Variants in RNF34 observed in about 807,000 individuals in gnomAD.
The protein encoded by RNF34 is ring finger protein 34.
In RNF34, 12 loss-of-function variants were observed where a neutral mutation model predicts 37.9. The observed-to-expected ratio is 0.32, with a 90% confidence interval of 0.20 to 0.51. The LOEUF is 0.51. RNF34 is among the 20% of genes least tolerant of loss of function. The pLI is 0.97. For missense variants in RNF34, 362 were observed against 472.7 expected (o/e 0.77, Z 2.17); for synonymous variants, 155 against 177.2 (o/e 0.87, Z 1.00).
At chr12:121,419,137 G>C (rs1871856305) in intron 3 of RNF34, among the ~76,000 whole-genome samples, 1 of 152,182 alleles carries the variant, frequency 6.6e-6, no homozygotes, top group South Asian at 2.1e-4. Flanking sequence ...GGTTCTGTAA[G>C]ATTATAATAC....
chr12:121,419,037 C>T (rs148644546), intron 3 of RNF34, among the ~76,000 whole-genome samples: 5 of 152,244 alleles, frequency 3.3e-5, no homozygotes, highest in Admixed American at 6.5e-5. Flanking sequence ...TGAATAAATG[C>T]AGAGGGAAAT....
At chr12:121,405,885 C>G (rs1870483316) in intron 1 of RNF34, among the ~76,000 whole-genome samples, 1 of 151,654 alleles carries the variant, frequency 6.6e-6, no homozygotes, top group South Asian at 2.1e-4. Flanking sequence ...GCTCTGCCTC[C>G]CAGGTTCACG....
At chr12:121,418,147 C>G in intron 3 of RNF34, 1 of 524,218 alleles carries the variant, frequency 1.9e-6, no homozygotes, top group Non-Finnish European at 3.4e-6. Context: ...TCATCAGTCT[C>G]TTGGCCTTAG....
At chr12:121,410,129 G>A (rs1555281207) in intron 1 of RNF34, among the ~76,000 whole-genome samples, 1 of 151,616 alleles carries the variant, frequency 6.6e-6, no homozygotes, top group African/African-American at 2.4e-5. Context: ...ACTCCAACCT[G>A]GGCAACAAGA....
intron 2 of RNF34, 28 bp downstream of exon 2, chr12:121,416,405 A>C: frequency 7.1e-7 from 1 of 1,410,334 alleles, no homozygotes; most frequent in Non-Finnish European, 1.0e-6. Flanking sequence ...TTACATAACA[A>C]CACACATGGG....
chr12:121,411,235 A>C (rs1387850559), intron 1 of RNF34, among the ~76,000 whole-genome samples: 1 of 151,864 alleles, frequency 6.6e-6, no homozygotes, highest in East Asian at 1.9e-4. Context: ...GCCTGTTTTT[A>C]ATTTTTTATT....
intron 1 of RNF34, among the ~76,000 whole-genome samples, chr12:121,404,627 G>A (rs1555280455): frequency 6.6e-6 from 1 of 151,930 alleles, no homozygotes; most frequent in Non-Finnish European, 1.5e-5. Context: ...CTGACCTCAA[G>A]TGATTCTGGC....
intron 1 of RNF34, among the ~76,000 whole-genome samples, chr12:121,412,542 C>A (rs1555281481): frequency 2.6e-5 from 4 of 151,592 alleles, no homozygotes; most frequent in Non-Finnish European, 2.9e-5. Flanking sequence ...CACGCCTGGC[C>A]TAATTTTTGT....
intron 1 of RNF34, among the ~76,000 whole-genome samples, chr12:121,415,840 CTTTT>C (rs782608817): frequency 1.9e-5 from 2 of 108,096 alleles, no homozygotes; most frequent in Admixed American, 1.0e-4. Context: ...TTTGTCCAGT[CTTTT>C]TTTTTTTTTT....
In RNF34 at chr12:121,404,215, C is replaced by T. The variant is rs368457083; in HGVS notation, c.6+3997C>T. Among the ~76,000 whole-genome samples the T allele has an allele frequency of 4.8e-4, 73 of 151,000 alleles. 1 individual carries two copies. The South Asian group carries it at 0.013, about 27-fold the overall frequency. Reference sequence around the variant, plus strand: ...AGAGACGGAGTTTCACAATGTTGCCCAGGCTGGTCCCAAACTCCTGAGCTC... The same window carrying T: ...AGAGACGGAGTTTCACAATGTTGCCTAGGCTGGTCCCAAACTCCTGAGCTC... On this transcript the variant is annotated intron_variant, in intron 1 of 5. Coordinates refer to ENST00000361234, the MANE Select transcript of RNF34 (RefSeq NM_025126.4).
chr12:121,420,521 A>G (rs1277877564), intron 4 of RNF34, 56 bp from the exon 5 acceptor site: 1 of 1,592,012 alleles, frequency 6.3e-7, no homozygotes, highest in Non-Finnish European at 8.6e-7. Flanking sequence ...ATGAGTTTAG[A>G]GTGGGGAGGG....
At chr12:121,418,115 G>A (rs149335072) in intron 3 of RNF34, 8,881 of 587,098 alleles carry the variant, frequency 0.015, 103 homozygotes, top group Non-Finnish European at 0.021. Flanking sequence ...AAAGTCTGCT[G>A]TCTGAAGGGT....
At position 121,417,919 on chromosome 12, in the gene RNF34, G is replaced by A. The variant is rs782204217; in HGVS notation, c.633+8G>A. 2.5e-6 allele frequency: 4 copies of A among 1,610,752 alleles called. No individual in the cohort carries two copies. In the South Asian group the frequency reaches 3.3e-5, roughly 13 times the overall value. On this transcript the variant is annotated splice_region_variant and intron_variant, in intron 3 of 5. Coordinates refer to ENST00000361234, the MANE Select transcript of RNF34 (RefSeq NM_025126.4). The surrounding 1 kb of genome is among the most constrained non-coding windows in gnomAD (Gnocchi z 5.0). ...TCTGGAGTGCCGGCACAGGTACGAG[G>A]GGGTAACTAATTACACCCAGGGCCC...
chr12:121,412,606 T>C (rs897718076), intron 1 of RNF34, among the ~76,000 whole-genome samples: 5 of 152,066 alleles, frequency 3.3e-5, no homozygotes, highest in Admixed American at 2.0e-4. Context: ...CTCGAACTCC[T>C]GACTTCATGT....
intron 1 of RNF34, among the ~76,000 whole-genome samples, 165 bp from the exon 2 acceptor site, chr12:121,415,994 C>T (rs1555282127): frequency 1.3e-5 from 2 of 152,014 alleles, no homozygotes; most frequent in Non-Finnish European, 2.9e-5. Flanking sequence ...TTGGAAATAG[C>T]AGAAAATTCT....
At chr12:121,411,961 C>T (rs1871103187) in intron 1 of RNF34, among the ~76,000 whole-genome samples, 1 of 152,148 alleles carries the variant, frequency 6.6e-6, no homozygotes, top group African/African-American at 2.4e-5. Flanking sequence ...AAAAATGTAA[C>T]GTGCAAACTA....
At chr12:121,412,845 C>T (rs1566229398) in intron 1 of RNF34, among the ~76,000 whole-genome samples, 1 of 151,058 alleles carries the variant, frequency 6.6e-6, no homozygotes, top group African/African-American at 2.4e-5. Context: ...CTGCCTTAGC[C>T]TCCCAAGTAG....
intron 5 of RNF34, 95 bp downstream of exon 5, chr12:121,420,873 G>T: frequency 1.1e-6 from 1 of 926,464 alleles, no homozygotes; most frequent in Non-Finnish European, 1.7e-6. Context: ...ATTTATTTTT[G>T]AGAAAGCTGT....
chr12:121,416,579 T>A, intron 2 of RNF34: 1 of 514,360 alleles, frequency 1.9e-6, no homozygotes, highest in Non-Finnish European at 3.5e-6. Context: ...TTTCTCATGT[T>A]CAGGCATCCT....
Sources: allele counts gnomAD v4.1 joint callset (sites outside exome capture counted in the v4.1 genomes callset), GRCh38; gene constraint gnomAD v4.1.1; non-coding constraint Gnocchi (gnomAD v3.1); transcripts MANE v1.5; gene names NCBI Gene and HGNC (gene_info 2026-07-23, HGNC 2026-07-21).